The following SORBS2 variants were observed in gnomAD, a reference collection of about 807,000 sequenced individuals.
SORBS2 encodes the protein sorbin and SH3 domain containing 2.
A neutral mutation model predicts 97.7 loss-of-function variants in SORBS2; 46 were observed. The observed-to-expected ratio is 0.47, with a 90% CI of 0.37 to 0.60. SORBS2 has a LOEUF of 0.60. SORBS2 is among the 20% of genes least tolerant of loss of function. SORBS2 has a pLI of 0.00. For synonymous variants in SORBS2, 476 were observed against 473.4 expected (o/e 1.01, Z -0.07); for missense variants, 1,316 against 1,282.3 (o/e 1.03, Z -0.40).
chr4:185,651,076 A>C (rs185824584), intron 2 of SORBS2, among the ~76,000 whole-genome samples: 45 of 152,272 alleles, frequency 3.0e-4, no homozygotes, highest in Admixed American at 2.2e-3. Flanking sequence ...AGAAAGAAGA[A>C]AAAAAATAGT....
chr4:185,835,717 C>T (rs1317765911), intron 1 of SORBS2, among the ~76,000 whole-genome samples: 1 of 143,752 alleles, frequency 7.0e-6, no homozygotes, highest in Non-Finnish European at 1.5e-5. Flanking sequence ...ATTAGGAAAC[C>T]TTTAGCCAGT....
intron 1 of SORBS2, among the ~76,000 whole-genome samples, chr4:185,896,318 T>C (rs1472899031): frequency 1.3e-5 from 2 of 152,358 alleles, no homozygotes; most frequent in South Asian, 4.1e-4. Flanking sequence ...GCGAGATGGC[T>C]GACGCCTGTA....
chr4:185,745,187 G>C (rs1008880535), intron 2 of SORBS2, among the ~76,000 whole-genome samples: 2 of 152,140 alleles, frequency 1.3e-5, no homozygotes, highest in African/African-American at 4.8e-5. Flanking sequence ...GATGGAGAGG[G>C]AGGGATGCTG....
At chr4:185,918,676 G>A (rs1006469782) in intron 1 of SORBS2, 1 of 152,202 alleles carries the variant, frequency 6.6e-6, no homozygotes, top group African/African-American at 2.4e-5. Context: ...CCAGCCTAGG[G>A]TGGGAGCAGA....
intron 2 of SORBS2, among the ~76,000 whole-genome samples, chr4:185,731,736 C>T (rs2098633861): frequency 9.0e-6 from 1 of 110,696 alleles, no homozygotes; most frequent in Non-Finnish European, 1.9e-5. Flanking sequence ...GCCTGTCTCT[C>T]TCCCTCCCTC....
chr4:185,807,294 A>G (rs1048690122), intron 1 of SORBS2, among the ~76,000 whole-genome samples: 1 of 151,772 alleles, frequency 6.6e-6, no homozygotes, highest in Admixed American at 6.6e-5. Context: ...TGTTTTTTTG[A>G]GGTGGGAAAA....
chr4:185,778,659 G>A (rs2099012290), intron 1 of SORBS2, among the ~76,000 whole-genome samples: 2 of 152,112 alleles, frequency 1.3e-5, no homozygotes, highest in South Asian at 4.2e-4. Flanking sequence ...GATGTGACTC[G>A]AGCATCTGCA....
chr4:185,838,771 C>A (rs1053602502), intron 1 of SORBS2, among the ~76,000 whole-genome samples: 1 of 152,154 alleles, frequency 6.6e-6, no homozygotes, highest in Non-Finnish European at 1.5e-5. Flanking sequence ...CTAGGGAAAC[C>A]AGTTAAGTCC....
intron 5 of SORBS2, among the ~76,000 whole-genome samples, chr4:185,627,797 C>T (rs62334751): frequency 0.36 from 54,372 of 151,764 alleles, 9,869 homozygotes; most frequent in South Asian, 0.51. Context: ...ATAAAATAGT[C>T]TTCCCGCCAT....
chr4:185,713,515 A>G (rs926384294), intron 2 of SORBS2, among the ~76,000 whole-genome samples: 1 of 152,194 alleles, frequency 6.6e-6, no homozygotes, highest in African/African-American at 2.4e-5. Flanking sequence ...GGTGGAACCT[A>G]TAAGGACGTT....
chr4:185,850,612 G>C (rs553918779), intron 1 of SORBS2, among the ~76,000 whole-genome samples: 3 of 152,316 alleles, frequency 2.0e-5, no homozygotes, highest in African/African-American at 7.2e-5. Flanking sequence ...CTGGTCAACT[G>C]CCTGTGCTGA....
At chr4:185,692,946 G>A (rs1227995216) in intron 2 of SORBS2, among the ~76,000 whole-genome samples, 2 of 152,082 alleles carry the variant, frequency 1.3e-5, no homozygotes, top group African/African-American at 4.8e-5. Context: ...AGAGCTCTAC[G>A]CTGAAAACAA....
chr4:185,790,031 T>A (rs1004947072), intron 1 of SORBS2, among the ~76,000 whole-genome samples: 2 of 152,204 alleles, frequency 1.3e-5, no homozygotes, highest in Admixed American at 1.3e-4. Flanking sequence ...GTTAAAAAGT[T>A]CATGAATGGT....
At chr4:185,895,548 T>G (rs1048514850) in intron 1 of SORBS2, among the ~76,000 whole-genome samples, 4 of 152,308 alleles carry the variant, frequency 2.6e-5, no homozygotes, top group Non-Finnish European at 4.4e-5. Flanking sequence ...TGCATGGCAG[T>G]GGCATCACCC....
intron 1 of SORBS2, among the ~76,000 whole-genome samples, chr4:185,809,454 G>GAAAA (rs1561169566): frequency 1.8e-3 from 6 of 3,404 alleles, no homozygotes; most frequent in Non-Finnish European, 2.6e-3. Flanking sequence ...CACTGCATTT[G>GAAAA]CAAAAAAAAA....
intron 1 of SORBS2, among the ~76,000 whole-genome samples, chr4:185,911,014 T>C (rs1015904087): frequency 6.6e-6 from 1 of 152,130 alleles, no homozygotes; most frequent in Non-Finnish European, 1.5e-5. Context: ...ATTGAGTCAT[T>C]TAATATTCAG....
chr4:185,739,657 T>C (rs1009549310), intron 2 of SORBS2, among the ~76,000 whole-genome samples: 1 of 152,196 alleles, frequency 6.6e-6, no homozygotes, highest in Non-Finnish European at 1.5e-5. Flanking sequence ...TTTCCAAATC[T>C]TCATCACTCT....
At chr4:185,741,730 A>G (rs1301254286) in intron 2 of SORBS2, among the ~76,000 whole-genome samples, 1 of 152,142 alleles carries the variant, frequency 6.6e-6, no homozygotes, top group Non-Finnish European at 1.5e-5. Context: ...CAGGGTCTAC[A>G]TAAAATAAAT....
At chr4:185,768,704 A>AAAAC (rs1375254196) in intron 2 of SORBS2, among the ~76,000 whole-genome samples, 2 of 101,968 alleles carry the variant, frequency 2.0e-5, no homozygotes, top group African/African-American at 4.4e-5. Context: ...GTCTCAAAAA[A>AAAAC]AAAAAAACAA....
Sources: gnomAD v4.1 joint callset for allele counts (sites outside exome capture counted in the v4.1 genomes callset) on GRCh38, gnomAD v4.1.1 for gene constraint, MANE v1.5 for transcripts, NCBI Gene and HGNC (gene_info 2026-07-23, HGNC 2026-07-21) for gene names.